Variants in ELAVL2 observed in about 807,000 individuals in gnomAD.
The protein encoded by ELAVL2 is ELAV-like protein 2.
ELAVL2 carries 4 observed loss-of-function variants against 34.6 expected under a neutral mutation model. That is an observed-to-expected ratio of 0.12 (90% CI 0.06 to 0.26). The LOEUF (loss-of-function observed/expected upper bound fraction) is 0.26, where lower values mean the gene tolerates loss of function less well. Among genes scored for constraint, ELAVL2 ranks in the 10% least tolerant of loss-of-function variants. The pLI, the probability that ELAVL2 is intolerant of heterozygous loss-of-function variation, is 1.00. For missense variants in ELAVL2, 432 were observed against 442.8 expected (o/e 0.98, Z 0.22); for synonymous variants, 193 against 154.8 (o/e 1.25, Z -1.83).
chr9:23,739,813 C>T (rs1587951213), intron 2 of ELAVL2, among the ~76,000 whole-genome samples: 1 of 152,002 alleles, frequency 6.6e-6, no homozygotes, highest in African/African-American at 2.4e-5. Flanking sequence ...ACCCCCCCCA[C>T]TAAGCAGTCC....
At chr9:23,734,047 T>G (rs2047239025) in intron 2 of ELAVL2, among the ~76,000 whole-genome samples, 1 of 152,202 alleles carries the variant, frequency 6.6e-6, no homozygotes, top group Non-Finnish European at 1.5e-5. Flanking sequence ...TCAGAATATG[T>G]TTGAGGTAAG....
At chr9:23,789,440 T>A (rs1241872862) in intron 1 of ELAVL2, among the ~76,000 whole-genome samples, 1 of 152,232 alleles carries the variant, frequency 6.6e-6, no homozygotes, top group African/African-American at 2.4e-5. Context: ...TCAACTGAAT[T>A]CTTGAGGCAT....
intron 2 of ELAVL2, among the ~76,000 whole-genome samples, chr9:23,755,088 GC>G (rs2053216204): frequency 1.3e-5 from 2 of 151,986 alleles, no homozygotes; most frequent in Non-Finnish European, 2.9e-5. Context: ...TGGTATATAA[GC>G]CCCCCAACCC....
chr9:23,778,315 G>T (rs553732078), intron 1 of ELAVL2, among the ~76,000 whole-genome samples: 19 of 152,250 alleles, frequency 1.2e-4, no homozygotes, highest in African/African-American at 3.6e-4. Flanking sequence ...GGCAGCTAGC[G>T]GGTAGATTTA....
At chr9:23,819,700 G>C (rs950404368) in intron 1 of ELAVL2, among the ~76,000 whole-genome samples, 1 of 152,112 alleles carries the variant, frequency 6.6e-6, no homozygotes. Flanking sequence ...CCAAATAACA[G>C]GCAACAAGGG....
chr9:23,715,135 A>T (rs1449305217), intron 3 of ELAVL2, among the ~76,000 whole-genome samples: 2 of 152,120 alleles, frequency 1.3e-5, no homozygotes, highest in African/African-American at 4.8e-5. Context: ...CTACCTGTTG[A>T]ACGTATACAT....
chr9:23,820,587 T>A (rs1382351786), intron 1 of ELAVL2, among the ~76,000 whole-genome samples: 1 of 152,224 alleles, frequency 6.6e-6, no homozygotes, highest in Non-Finnish European at 1.5e-5. Flanking sequence ...GGCATGGTTT[T>A]ACGCTCTGGC....
chr9:23,703,528 GCTCT>G (rs567806678), intron 4 of ELAVL2, among the ~76,000 whole-genome samples: 68 of 152,256 alleles, frequency 4.5e-4, no homozygotes, highest in Non-Finnish European at 8.5e-4. Flanking sequence ...TGTAGTGCTA[GCTCT>G]CTCTACTCAG....
At chr9:23,812,638 C>T (rs1369898404) in intron 1 of ELAVL2, among the ~76,000 whole-genome samples, 1 of 151,712 alleles carries the variant, frequency 6.6e-6, no homozygotes, top group Admixed American at 6.6e-5. Flanking sequence ...TTTTTAAGTG[C>T]CTCTGAAAAA....
At chr9:23,826,624 C>G (rs2065316040), upstream of ELAVL2, among the ~76,000 whole-genome samples, 1 of 152,228 alleles carries the variant, frequency 6.6e-6, no homozygotes, top group African/African-American at 2.4e-5. Context: ...ACTGTACTAT[C>G]AGAGTTTGCG....
At chr9:23,827,805 A>G (rs1036822559), upstream of ELAVL2, among the ~76,000 whole-genome samples, 2 of 152,176 alleles carry the variant, frequency 1.3e-5, no homozygotes, top group African/African-American at 4.8e-5. Context: ...GTGTTGATAA[A>G]TGATTAATGG....
At position 23,705,120 on chromosome 9, in the gene ELAVL2, C is replaced by A. The variant is rs935449566; in HGVS notation, c.334-49G>T. The A allele has an allele frequency of 8.1e-6, 13 of 1,604,406 alleles. No individual in the cohort carries two copies. In the African/African-American group the frequency reaches 1.2e-4, roughly 15 times the overall value. ...ATGTATATGCATGCTCACTCACCCA[C>A]CTCCCTTTAGAAACTCAAAAACTGC... On this transcript the variant is annotated intron_variant, in intron 3 of 6. Coordinates refer to ENST00000397312, the MANE Select transcript of ELAVL2 (RefSeq NM_004432.5).
intron 1 of ELAVL2, among the ~76,000 whole-genome samples, chr9:23,794,265 C>T (rs1205058243): frequency 6.6e-6 from 1 of 152,164 alleles, no homozygotes; most frequent in African/African-American, 2.4e-5. Flanking sequence ...CAAAAGCAAA[C>T]TGATAGTGTA....
At chr9:23,781,061 T>A (rs1027690489) in intron 1 of ELAVL2, among the ~76,000 whole-genome samples, 3 of 152,222 alleles carry the variant, frequency 2.0e-5, no homozygotes, top group Non-Finnish European at 2.9e-5. Context: ...CTCAACAAGT[T>A]TGTTATGTTC....
At chr9:23,774,819 A>G (rs2057935930) in intron 1 of ELAVL2, among the ~76,000 whole-genome samples, 2 of 152,062 alleles carry the variant, frequency 1.3e-5, no homozygotes, top group African/African-American at 4.8e-5. Flanking sequence ...GATTTACAAT[A>G]CAGAGAAAAC....
At chr9:23,696,008 C>T (rs766586833) in intron 5 of ELAVL2, among the ~76,000 whole-genome samples, 22 of 152,158 alleles carry the variant, frequency 1.4e-4, no homozygotes, top group Non-Finnish European at 1.9e-4. Flanking sequence ...TATGATAGGG[C>T]ATCTTTTTTA....
At position 23,779,871 on chromosome 9, in the gene ELAVL2, GC is replaced by G. The variant is rs1330314831; in HGVS notation, c.-15-17623del. Among the ~76,000 whole-genome samples the G allele has an allele frequency of 1.8e-4, 28 of 151,488 alleles. No homozygotes were observed. In the South Asian group the frequency reaches 2.1e-3, roughly 11 times the overall value. ...ATTCCAAAACTGTGGGTTTTATAGG[GC>G]ACATTAAATTATTCCTTATCAACTG... On this transcript the variant is annotated intron_variant, in intron 1 of 6. Transcript: ENST00000397312.
intron 1 of ELAVL2, among the ~76,000 whole-genome samples, chr9:23,812,310 T>A (rs560672686): frequency 9.9e-5 from 15 of 152,268 alleles, no homozygotes; most frequent in African/African-American, 3.4e-4. Flanking sequence ...CCTAGAAGAA[T>A]ATTTTTATTG....
chr9:23,791,413 C>T (rs182244155), intron 1 of ELAVL2, among the ~76,000 whole-genome samples: 1 of 152,156 alleles, frequency 6.6e-6, no homozygotes, highest in Non-Finnish European at 1.5e-5. Context: ...AAGTGTATCT[C>T]CCAAAATTAA....
Sources: allele counts gnomAD v4.1 joint callset (sites outside exome capture counted in the v4.1 genomes callset), GRCh38; gene constraint gnomAD v4.1.1; transcripts MANE v1.5; gene names NCBI Gene and HGNC (gene_info 2026-07-23, HGNC 2026-07-21).